Variants in SSC5D observed in about 807,000 individuals in gnomAD.
The protein encoded by SSC5D is scavenger receptor cysteine rich family member with 5 domains.
A neutral mutation model predicts 104.6 loss-of-function variants in SSC5D; 106 were observed. The observed-to-expected ratio is 1.01, with a 90% CI of 0.87 to 1.19. The LOEUF (loss-of-function observed/expected upper bound fraction) is 1.19. Among genes scored for constraint, SSC5D ranks in the 50% most tolerant of loss-of-function variants. SSC5D has a pLI of 0.00. For missense variants in SSC5D, 1,993 were observed against 2,153.8 expected (o/e 0.93, Z 1.48); for synonymous variants, 860 against 883.5 (o/e 0.97, Z 0.47).
intron 6 of SSC5D, chr19:55,491,328 C>T (rs1217904429): frequency 2.0e-6 from 1 of 506,532 alleles, no homozygotes; most frequent in Non-Finnish European, 3.4e-6. Flanking sequence ...GGGGCCTAGG[C>T]CAGTGACCGT....
chr19:55,509,110 G>C (rs1413977137), intron 12 of SSC5D, among the ~76,000 whole-genome samples: 1 of 152,198 alleles, frequency 6.6e-6, no homozygotes, highest in East Asian at 1.9e-4. Context: ...CTGGGGTCTG[G>C]AGCTGGATGC....
At position 55,518,062 on chromosome 19, in the gene SSC5D, C is replaced by A. The variant is rs1410090213; in HGVS notation, c.3786C>A (p.Thr1262=). ...HSTMIPDPTT[T]PQPFTTMQPT... is the part of the protein sequence containing the mutation. ...CCATGATTCCTGACCCCACCACAACCCCTCAACCCTTCACCACCATGCAGC... is the reference window on the plus strand; with the variant it reads ...CCATGATTCCTGACCCCACCACAACACCTCAACCCTTCACCACCATGCAGC... The change falls in exon 14 of 14, where the codon ACC becomes ACA. Residue 1262 remains threonine (T), a synonymous_variant. Coordinates refer to ENST00000389623, the MANE Select transcript of SSC5D (RefSeq NM_001144950.2). The A allele has an allele frequency of 6.7e-7, 1 of 1,495,458 alleles. No individual in the cohort carries two copies. Among genetic ancestry groups the A allele is most frequent in the South Asian group, 1.2e-5 (1 of 82,004 alleles). 92.6% of individuals were successfully genotyped at this position (1,495,458 alleles called of 1,614,324 possible).
chr19:55,517,578 AC>A lies in SSC5D; in HGVS notation c.3305del (p.Pro1102LeufsTer7). 1 of 1,551,168 alleles carries A rather than the reference AC, an allele frequency of 6.4e-7. No individual in the cohort carries two copies. The highest frequency in any genetic ancestry group is 1.2e-5 in the South Asian group (1 of 84,024). On this transcript the variant is annotated frameshift_variant, in exon 14 of 14. Transcript: ENST00000389623. LOFTEE classifies it low-confidence loss of function (END_TRUNC). ...LPTLPKELTS[D>X]PSTPSEVTSL... Reference sequence around the variant, plus strand: ...ACCTTGCCCAAAGAGCTGACCTCTGACCCTTCTACACCGTCGGAGGTGACCA... The same window carrying A: ...ACCTTGCCCAAAGAGCTGACCTCTGACCTTCTACACCGTCGGAGGTGACCA...
At chr19:55,495,161 T>G (rs1987278726) in intron 8 of SSC5D, among the ~76,000 whole-genome samples, 1 of 144,288 alleles carries the variant, frequency 6.9e-6, no homozygotes, top group Admixed American at 7.1e-5. Flanking sequence ...ACCTTTACTT[T>G]CCAGAGTCTC....
rs1013825878 is a variant in SSC5D, at chr19:55,503,895, T to C, written c.2785+2694T>C. Among the ~76,000 whole-genome samples the C allele has an allele frequency of 6.6e-6, 1 of 151,970 alleles. No homozygotes were observed. Among genetic ancestry groups the C allele is most frequent in the Admixed American group, 6.5e-5 (1 of 15,278 alleles). On this transcript the variant is annotated intron_variant, in intron 12 of 13. Transcript: ENST00000389623. This position sits in a 1 kb window ranked among gnomAD's most constrained non-coding sequence, Gnocchi z 4.0. ...ATGGAGGGACGGGATGGGGCAGGCG[T>C]TCATCTGCCTCGCACCTCGTGACGT...
intron 9 of SSC5D, 55 bp from the exon 10 acceptor site, chr19:55,499,761 T>C (rs1351233189): frequency 1.4e-6 from 2 of 1,396,564 alleles, no homozygotes; most frequent in Non-Finnish European, 2.0e-6. Flanking sequence ...CCTGGGTAGA[T>C]GATCTTGTCA....
rs985825326 is a variant in SSC5D, at chr19:55,494,709, A to G, written c.1313A>G (p.Gln438Arg). 3.0e-5 allele frequency: 47 copies of G among 1,550,422 alleles called. No individual in the cohort carries two copies. Among genetic ancestry groups the G allele is most frequent in the Non-Finnish European group, 3.7e-5 (42 of 1,146,674 alleles). The change falls in exon 8 of 14, where the codon CAG (glutamine) becomes CGG (arginine). Residue 438 changes from glutamine (Q) to arginine (R), a missense_variant. Physicochemically the swap from Gln to Arg is conservative, Grantham distance 43 (BLOSUM62 1). Coordinates refer to ENST00000389623, the MANE Select transcript of SSC5D (RefSeq NM_001144950.2). ...AGGCCCCCGTCCACCATGACGAGCC[A>G]GGCTCCAGGGACGGCAGGCGTTTCA... is the stretch of plus-strand genomic sequence containing the variant. ...ASRPPSTMTSQAPGTAGVSPP... is the reference protein window; with the variant it reads ...ASRPPSTMTSRAPGTAGVSPP...
Position 55,518,631 on chromosome 19 carries a change from C to T in SSC5D, c.4355C>T (p.Pro1452Leu). 6.5e-7 allele frequency: 1 copy of T among 1,530,388 alleles called. No individual in the cohort carries two copies. Among genetic ancestry groups the T allele is most frequent in the Non-Finnish European group, 8.8e-7 (1 of 1,136,718 alleles). 94.8% of individuals were successfully genotyped at this position (1,530,388 alleles called of 1,614,324 possible). The change falls in exon 14 of 14, where the codon CCT becomes CTT. Residue 1452 changes from proline to leucine, a missense_variant. Pro to Leu is a moderately conservative substitution (Grantham distance 98). This residue lies in a region of SSC5D where 349 missense variants were observed against 397.6 expected (regional missense o/e 0.88). Transcript: ENST00000389623. ...LSPTAHPLDH[P>L]PLDPLTLGPT... The stretch of plus-strand genomic sequence containing the variant: ...CCCACAGCCCACCCCTTGGATCATC[C>T]TCCCCTTGACCCCCTCACCCTAGGG...
chr19:55,491,053 A>AGCGAGGAT lies in SSC5D; in HGVS notation c.872_879dup (p.Gly294ArgfsTer145). On this transcript the variant is annotated frameshift_variant, in exon 6 of 14. Coordinates refer to ENST00000389623, the MANE Select transcript of SSC5D (RefSeq NM_001144950.2). LOFTEE classifies it high-confidence loss of function. ...CTGGGGCCGGAGCAACTGTGACCAC[A>AGCGAGGAT]GCGAGGATGCGGGGCTGGTCTGCAC... 1 of 1,549,946 alleles carries AGCGAGGAT rather than the reference A, an allele frequency of 6.5e-7. No homozygotes were observed. The highest frequency in any genetic ancestry group is 8.7e-7 in the Non-Finnish European group (1 of 1,146,692).
chr19:55,500,810 A>G lies in SSC5D; in HGVS notation c.2617+6A>G. On this transcript the variant is annotated splice_donor_region_variant and intron_variant, in intron 11 of 13. Coordinates refer to ENST00000389623, the MANE Select transcript of SSC5D (RefSeq NM_001144950.2). The surrounding 1 kb of genome is among the most constrained non-coding windows in gnomAD (Gnocchi z 4.6). ...CGTGGGGCTCACCTGCACTGGTACCAGGGCATGGCGGCGGTGGTGGGGTTG... is the reference window on the plus strand; with the variant it reads ...CGTGGGGCTCACCTGCACTGGTACCGGGGCATGGCGGCGGTGGTGGGGTTG... 1.3e-6 allele frequency: 2 copies of G among 1,527,592 alleles called. No homozygotes were observed. The highest frequency in any genetic ancestry group is 1.8e-6 in the Non-Finnish European group (2 of 1,133,526). 94.6% of individuals were successfully genotyped at this position (1,527,592 alleles called of 1,614,324 possible). A position where few individuals can be genotyped will look rare whatever the true frequency, so the allele number is the denominator to read the frequency against.
chr19:55,510,459 C>A (rs1987731589), intron 12 of SSC5D, among the ~76,000 whole-genome samples: 1 of 152,180 alleles, frequency 6.6e-6, no homozygotes, highest in African/African-American at 2.4e-5. Context: ...AGTGATTTTC[C>A]TGCCTCAGCT....
chr19:55,496,556 G>T (rs533818612), intron 8 of SSC5D, among the ~76,000 whole-genome samples: 1 of 152,210 alleles, frequency 6.6e-6, no homozygotes, highest in South Asian at 2.1e-4. Context: ...AGTTCTCTCC[G>T]TGTCTCAGTC....
intron 9 of SSC5D, among the ~76,000 whole-genome samples, chr19:55,499,297 G>A (rs1366680988): frequency 6.6e-6 from 1 of 152,230 alleles, no homozygotes; most frequent in African/African-American, 2.4e-5. Flanking sequence ...ATGGAAGATG[G>A]AGAGTGGTGT....
chr19:55,494,122 G>A (rs1335015698), intron 7 of SSC5D, among the ~76,000 whole-genome samples: 1 of 152,118 alleles, frequency 6.6e-6, no homozygotes, highest in African/African-American at 2.4e-5. Flanking sequence ...ACATTGGACA[G>A]TGTTTGGAAA....
At chr19:55,509,519 C>T (rs188001679) in intron 12 of SSC5D, among the ~76,000 whole-genome samples, 3 of 151,746 alleles carry the variant, frequency 2.0e-5, no homozygotes, top group Admixed American at 1.3e-4. Context: ...TCGAGTAGTA[C>T]GTAGAGGTTC....
chr19:55,518,073 TC>T lies in SSC5D; in HGVS notation c.3798del (p.Phe1266LeufsTer38), dbSNP rs1445756148. The T allele has an allele frequency of 4.6e-6, 6 of 1,313,738 alleles. No homozygotes were observed. The highest frequency in any genetic ancestry group is 2.9e-5 in the Admixed American group (1 of 34,932). 81.4% of individuals were successfully genotyped at this position (1,313,738 alleles called of 1,614,324 possible). On this transcript the variant is annotated frameshift_variant, in exon 14 of 14. Coordinates refer to ENST00000389623, the MANE Select transcript of SSC5D (RefSeq NM_001144950.2). LOFTEE classifies it low-confidence loss of function (END_TRUNC). ...GACCCCACCACAACCCCTCAACCCT[TC>T]ACCACCATGCAGCCCACCACGATGC... ...IPDPTTTPQP[F>X]TTMQPTTMPH...
At position 55,513,121 on chromosome 19, in the gene SSC5D, A is replaced by G; in HGVS notation, c.2896A>G (p.Thr966Ala). The change falls in exon 13 of 14, where the codon ACC becomes GCC. Residue 966 changes from threonine (T) to alanine (A), a missense_variant. By Grantham distance (58) the Thr-to-Ala change is moderately conservative (BLOSUM62 0). Coordinates refer to ENST00000389623, the MANE Select transcript of SSC5D (RefSeq NM_001144950.2). ...ACTAGGACCAACTCTTGGGGCTGGC[A>G]CCACCAGGAGCCCAGGCAGTCCTCC... ...GKLGPTLGAGTTRSPGSPPTL... is the reference protein window; with the variant it reads ...GKLGPTLGAGATRSPGSPPTL... 3 of 1,542,634 alleles carry G rather than the reference A, an allele frequency of 1.9e-6. No individual in the cohort carries two copies. Among genetic ancestry groups the G allele is most frequent in the African/African-American group, 2.7e-5 (2 of 72,752 alleles).
In SSC5D at chr19:55,488,610, C is replaced by T. The variant is rs1403881523; in HGVS notation, c.21C>T (p.Leu7=). MRVLAC[L]LAALVGIQAV... is the part of the protein sequence containing the mutation. ...CAACCATGAGGGTCTTGGCCTGCCTCCTTGGTGAGTGATCCATTCTCCTTG... is the reference window on the plus strand; with the variant it reads ...CAACCATGAGGGTCTTGGCCTGCCTTCTTGGTGAGTGATCCATTCTCCTTG... Residue 7 remains leucine (L), a synonymous_variant, in exon 1 of 14, where the codon CTC becomes CTT. Transcript: ENST00000389623. 1 of 1,550,268 alleles carries T rather than the reference C, an allele frequency of 6.5e-7. No individual in the cohort carries two copies. The highest frequency in any genetic ancestry group is 2.0e-5 in the Admixed American group (1 of 50,882).
At chr19:55,495,083 C>G (rs116162929) in intron 8 of SSC5D, among the ~76,000 whole-genome samples, 1 of 151,164 alleles carries the variant, frequency 6.6e-6, no homozygotes. Context: ...CCAAGCTGCA[C>G]GGTGTGGCTG....
Sources: allele counts gnomAD v4.1 joint callset (sites outside exome capture counted in the v4.1 genomes callset), GRCh38; gene constraint gnomAD v4.1.1; regional missense constraint gnomAD v4.1.1; non-coding constraint Gnocchi (gnomAD v3.1); transcripts MANE v1.5; gene names NCBI Gene and HGNC (gene_info 2026-07-23, HGNC 2026-07-21).